Variants in TTC23 observed in about 807,000 individuals in gnomAD.
The protein encoded by TTC23 is tetratricopeptide repeat protein 23.
In TTC23, 58 loss-of-function variants were observed where a neutral mutation model predicts 55.1. The observed-to-expected ratio is 1.05, with a 90% CI of 0.85 to 1.31. The LOEUF (loss-of-function observed/expected upper bound fraction) is 1.31. Ranked by LOEUF, TTC23 falls within the 50% of genes most tolerant of loss-of-function variation. TTC23 has a pLI of 0.00. For synonymous variants in TTC23, 203 were observed against 199.9 expected (o/e 1.02, Z -0.13); for missense variants, 516 against 534.4 (o/e 0.97, Z 0.34).
intron 4 of TTC23, among the ~76,000 whole-genome samples, chr15:99,231,315 G>C (rs1042779356): frequency 6.6e-6 from 1 of 152,116 alleles, no homozygotes; most frequent in Non-Finnish European, 1.5e-5. Context: ...AAAGCCTCAG[G>C]CAGGTCCTTC....
Position 99,200,017 on chromosome 15 carries a change from CT to C in TTC23, c.660del (p.Gly221ValfsTer11). On this transcript the variant is annotated frameshift_variant, in exon 9 of 14. Transcript: ENST00000394132. LOFTEE classifies it high-confidence loss of function. ...QAALEYVEISKGETSRECVPI... is the reference protein window; with the variant it reads ...QAALEYVEISXGETSRECVPI... ...GGTACACACTCACGACTTGTTTCACCTTTACTGATCTCAACATATTCCAAAG... is the reference window on the plus strand; with the variant it reads ...GGTACACACTCACGACTTGTTTCACCTTACTGATCTCAACATATTCCAAAG... 1 of 1,614,106 alleles carries C rather than the reference CT, an allele frequency of 6.2e-7. No individual in the cohort carries two copies. The highest frequency in any genetic ancestry group is 8.5e-7 in the Non-Finnish European group (1 of 1,180,014).
intron 10 of TTC23, among the ~76,000 whole-genome samples, chr15:99,169,609 C>T (rs2072635947): frequency 6.6e-6 from 1 of 152,076 alleles, no homozygotes; most frequent in South Asian, 2.1e-4. Context: ...GGGCCCAGCA[C>T]TGGGCAAGCT....
At chr15:99,221,678 C>G (rs2077940937) in intron 6 of TTC23, 63 bp downstream of exon 6, 1 of 1,601,210 alleles carries the variant, frequency 6.2e-7, no homozygotes, top group Admixed American at 1.7e-5. Flanking sequence ...AAGTGTGAAT[C>G]AAATTTTGGG....
At chr15:99,231,816 G>T (rs1286748346) in intron 4 of TTC23, among the ~76,000 whole-genome samples, 1 of 150,276 alleles carries the variant, frequency 6.7e-6, no homozygotes, top group African/African-American at 2.5e-5. Flanking sequence ...TTTTGAGACG[G>T]AGTTTCACTG....
intron 3 of TTC23, among the ~76,000 whole-genome samples, chr15:99,237,989 G>A (rs911317851): frequency 1.8e-4 from 27 of 151,776 alleles, no homozygotes; most frequent in African/African-American, 6.3e-4. Context: ...TTTTTGAGAC[G>A]GAGTCTCACT....
chr15:99,221,890 C>G, intron 5 of TTC23, 26 bp from the exon 6 acceptor site: 1 of 1,611,676 alleles, frequency 6.2e-7, no homozygotes. Flanking sequence ...AACAGGCTTA[C>G]CAGTTATACA....
chr15:99,244,787 G>A (rs1196701246), intron 2 of TTC23, among the ~76,000 whole-genome samples: 1 of 151,846 alleles, frequency 6.6e-6, no homozygotes, highest in Non-Finnish European at 1.5e-5. Flanking sequence ...TCCTTATTAT[G>A]GATGAATTAA....
chr15:99,155,192 T>C (rs1292252994), intron 12 of TTC23, among the ~76,000 whole-genome samples: 1 of 152,166 alleles, frequency 6.6e-6, no homozygotes, highest in East Asian at 1.9e-4. Context: ...TAAATCTCCA[T>C]TTATAATAGT....
chr15:99,187,597 A>G (rs1199667833), intron 9 of TTC23, among the ~76,000 whole-genome samples: 5 of 151,986 alleles, frequency 3.3e-5, no homozygotes, highest in Admixed American at 3.3e-4. Context: ...ATAAGGCTCT[A>G]GTATCCAGTA....
chr15:99,223,760 G>A (rs1261664387), intron 5 of TTC23, among the ~76,000 whole-genome samples: 7 of 152,194 alleles, frequency 4.6e-5, no homozygotes, highest in East Asian at 1.9e-4. Flanking sequence ...GATGCTGTGC[G>A]GAGCAAAGCT....
Position 99,136,667 on chromosome 15 carries a change from G to A in TTC23, c.*1343C>T, listed in dbSNP as rs551242840. 6 of 152,422 alleles carry A rather than the reference G, an allele frequency of 3.9e-5. No individual in the cohort carries two copies. Among genetic ancestry groups the A allele is most frequent in the South Asian group, 4.1e-4 (2 of 4,828 alleles). 9.4% of individuals were successfully genotyped at this position (152,422 alleles called of 1,614,324 possible). A position where few individuals can be genotyped will look rare whatever the true frequency, so the allele number is the denominator to read the frequency against. ...CCCAATACCATCCCTTTGGGGATTA[G>A]GGCTTCAACGTGAATTGGGAGCATA... On this transcript the variant is annotated 3_prime_UTR_variant, in exon 14 of 14. Coordinates refer to ENST00000394132, the MANE Select transcript of TTC23 (RefSeq NM_001288615.3).
intron 3 of TTC23, among the ~76,000 whole-genome samples, chr15:99,237,699 G>C (rs576291356): frequency 6.6e-6 from 1 of 152,292 alleles, no homozygotes; most frequent in South Asian, 2.1e-4. Flanking sequence ...AGGGTGGAGA[G>C]GAGGGATTAC....
At chr15:99,146,498 G>A (rs2068873950) in intron 12 of TTC23, among the ~76,000 whole-genome samples, 1 of 152,172 alleles carries the variant, frequency 6.6e-6, no homozygotes, top group Non-Finnish European at 1.5e-5. Flanking sequence ...TCCATCCCTG[G>A]CCATGTACCC....
At chr15:99,237,513 T>G (rs1244162792) in intron 3 of TTC23, among the ~76,000 whole-genome samples, 1 of 152,190 alleles carries the variant, frequency 6.6e-6, no homozygotes, top group Non-Finnish European at 1.5e-5. Context: ...AAAATAGTTA[T>G]GCCGAGTGAA....
Position 99,243,019 on chromosome 15 carries a change from A to G in TTC23, c.-308-1460T>C, listed in dbSNP as rs527334549. 2.0e-5 allele frequency among the ~76,000 whole-genome samples: 3 copies of G among 152,356 alleles called. No homozygotes were observed. The East Asian group carries it at 5.8e-4, about 29-fold the overall frequency. On this transcript the variant is annotated intron_variant, in intron 2 of 13. Coordinates refer to ENST00000394132, the MANE Select transcript of TTC23 (RefSeq NM_001288615.3). ...CAAATGGGATCACATCAAGTAAAAA[A>G]GCTGCTGTATAGCAAAGGAAACAAT...
chr15:99,145,640 C>A (rs1242236657), intron 12 of TTC23, among the ~76,000 whole-genome samples: 1 of 152,102 alleles, frequency 6.6e-6, no homozygotes, highest in African/African-American at 2.4e-5. Context: ...TGAGAGACCA[C>A]ACCCCTGCAT....
At chr15:99,229,651 G>A (rs1468656420) in intron 4 of TTC23, among the ~76,000 whole-genome samples, 1 of 152,196 alleles carries the variant, frequency 6.6e-6, no homozygotes, top group Non-Finnish European at 1.5e-5. Flanking sequence ...CAAGTATAGG[G>A]ACAGAATACT....
At chr15:99,221,645 T>TA in intron 6 of TTC23, 96 bp downstream of exon 6, 6 of 1,498,268 alleles carry the variant, frequency 4.0e-6, no homozygotes, top group Non-Finnish European at 4.5e-6. Flanking sequence ...AGGAGAATAT[T>TA]AAAAAACCTG....
At chr15:99,179,142 G>A (rs116858752) in intron 9 of TTC23, among the ~76,000 whole-genome samples, 2 of 152,130 alleles carry the variant, frequency 1.3e-5, no homozygotes, top group African/African-American at 4.8e-5. Context: ...TCCAGCCAAC[G>A]ACCTAGCCAA....
Sources: allele counts gnomAD v4.1 joint callset (sites outside exome capture counted in the v4.1 genomes callset), GRCh38; gene constraint gnomAD v4.1.1; transcripts MANE v1.5; gene names NCBI Gene and HGNC (gene_info 2026-07-23, HGNC 2026-07-21).